Variants in SYDE2 observed in about 807,000 individuals in gnomAD.
SYDE2 encodes rho GTPase-activating protein SYDE2.
Under a neutral mutation model 91.5 loss-of-function variants are expected in SYDE2, and 76 were observed. That is an observed-to-expected ratio of 0.83 (90% CI 0.69 to 1.01). SYDE2 has a LOEUF of 1.01. Ranked by LOEUF, SYDE2 falls within the 50% of genes least tolerant of loss-of-function variation. The pLI, the probability that SYDE2 is intolerant of heterozygous loss-of-function variation, is 0.00. For synonymous variants in SYDE2, 513 were observed against 506.4 expected, an observed-to-expected ratio of 1.01 and a Z score of -0.18; for missense variants, 1,364 against 1,367.7, an observed-to-expected ratio of 1.00 and a Z score of 0.04.
rs1557738268 is a variant in SYDE2, at chr1:85,158,844, T to A, written c.3491A>T (p.Lys1164Ile). ...TTCTTGTAGATCTTTGAGATTGTTTTTTCGATCCACTGTAGACTCAACTGT... is the reference window on the plus strand; with the variant it reads ...TTCTTGTAGATCTTTGAGATTGTTTATTCGATCCACTGTAGACTCAACTGT... ...MQTVESTVDR[K>I]NNLKDLQESI... The change falls in exon 7 of 7, where the codon AAA becomes ATA. Residue 1164 changes from lysine to isoleucine, a missense_variant. Lys to Ile is a moderately radical substitution (Grantham distance 102, BLOSUM62 -3). Transcript: ENST00000341460. 1.3e-6 allele frequency: 1 copy of A among 776,978 alleles called. No homozygotes were observed. The highest frequency in any genetic ancestry group is 2.4e-6 in the Non-Finnish European group (1 of 416,968). 48.1% of individuals were successfully genotyped at this position (776,978 alleles called of 1,614,324 possible).
intron 1 of SYDE2, among the ~76,000 whole-genome samples, chr1:85,193,006 G>C (rs1019953747): frequency 6.6e-6 from 1 of 152,162 alleles, no homozygotes; most frequent in Non-Finnish European, 1.5e-5. Flanking sequence ...ACTCAAAAAC[G>C]CCAAGTAACT....
chr1:85,200,928 G>T lies in SYDE2; in HGVS notation c.69C>A (p.Pro23=). The change falls in exon 1 of 7, where the codon CCC becomes CCA. Residue 23 remains proline, a synonymous_variant. Coordinates refer to ENST00000341460, the MANE Select transcript of SYDE2 (RefSeq NM_032184.2). ...GCTGGCCCGGAGCCCGGGCTCCCGC[G>T]GGGAAGCTGTGATCCGCCAAGCCCC... ...GGRGLADHSF[P]AGARAPGQPP... is the part of the protein sequence containing the mutation. 1.5e-6 allele frequency: 2 copies of T among 1,321,156 alleles called. No homozygotes were observed. The highest frequency in any genetic ancestry group is 4.6e-5 in the South Asian group (2 of 43,336). 81.8% of individuals were successfully genotyped at this position (1,321,156 alleles called of 1,614,324 possible).
At chr1:85,154,610 A>G (rs1314585325), downstream of SYDE2, among the ~76,000 whole-genome samples, 7 of 150,756 alleles carry the variant, frequency 4.6e-5, no homozygotes, top group Non-Finnish European at 8.8e-5. Flanking sequence ...AGTCATTTCA[A>G]TCTCATTTGA....
Position 85,182,275 on chromosome 1 carries a change from A to G in SYDE2, c.2367T>C (p.Tyr789=). Residue 789 remains tyrosine, a synonymous_variant, in exon 3 of 7, where the codon TAT becomes TAC. Transcript: ENST00000341460. ...ACTGTTCCATAAGAGTCACTTTCAC[A>G]TAAATAAGACCTCTAGGTTCAAGTT... is the stretch of plus-strand genomic sequence containing the variant. ...AVKLEPRGLI[Y]VKVTLMEQWE... 1.2e-6 allele frequency: 2 copies of G among 1,613,256 alleles called. No homozygotes were observed. Among genetic ancestry groups the G allele is most frequent in the Non-Finnish European group, 1.7e-6 (2 of 1,179,670 alleles).
intron 6 of SYDE2, chr1:85,160,698 T>C: frequency 3.0e-6 from 3 of 985,444 alleles, no homozygotes; most frequent in Non-Finnish European, 3.6e-6. Flanking sequence ...TTTTTAGTGC[T>C]TAACTGTCAT....
At chr1:85,153,659 G>T (rs1656820082), downstream of SYDE2, 2 of 152,194 alleles carry the variant, frequency 1.3e-5, no homozygotes, top group African/African-American at 4.8e-5. Context: ...ACTAACTCCA[G>T]TGGGGAGTAC....
rs890097722 is a variant in SYDE2, at chr1:85,182,485, G to C, written c.2157C>G (p.Leu719=). The C allele has an allele frequency of 6.2e-7, 1 of 1,613,728 alleles. No individual in the cohort carries two copies. The highest frequency in any genetic ancestry group is 1.3e-5 in the African/African-American group (1 of 75,046). ...TGTCTAAAAATGTTGTTCGGCATGT[G>C]AGCAAAGCTGTTCTTGCTTTGTTTA... ...DSVNKARTAL[L]TCRTTFLDMD... Residue 719 remains leucine (L), a synonymous_variant, in exon 3 of 7, where the codon CTC becomes CTG. Transcript: ENST00000341460.
Position 85,158,513 on chromosome 1 carries a change from G to T in SYDE2, c.*237C>A. 1 of 425,568 alleles carries T rather than the reference G, an allele frequency of 2.3e-6. No individual in the cohort carries two copies. Among genetic ancestry groups the T allele is most frequent in the South Asian group, 4.4e-5 (1 of 22,710 alleles). 26.4% of individuals were successfully genotyped at this position (425,568 alleles called of 1,614,324 possible). ...AAAGTTATCTCCATAGAGTTGGCAA[G>T]ATTTAGTAAAATATCCCAAGAAGTC... On this transcript the variant is annotated 3_prime_UTR_variant, in exon 7 of 7. Coordinates refer to ENST00000341460, the MANE Select transcript of SYDE2 (RefSeq NM_032184.2).
chr1:85,169,596 G>T (rs1238123636), intron 4 of SYDE2, among the ~76,000 whole-genome samples: 15 of 152,134 alleles, frequency 9.9e-5, no homozygotes, highest in Non-Finnish European at 1.5e-5. Context: ...TGTTAATTAT[G>T]AATTATTCCA....
chr1:85,194,344 G>T (rs1013242967), intron 1 of SYDE2, among the ~76,000 whole-genome samples: 18 of 149,506 alleles, frequency 1.2e-4, no homozygotes, highest in Admixed American at 1.2e-3. Context: ...AAATATTTTT[G>T]TAGAGAAAGG....
At chr1:85,161,038 CA>C (rs1657035613) in intron 6 of SYDE2, 1 of 982,834 alleles carries the variant, frequency 1.0e-6, no homozygotes, top group Non-Finnish European at 1.2e-6. Flanking sequence ...GAGTGGTTTA[CA>C]ACTAAATATA....
downstream of SYDE2, among the ~76,000 whole-genome samples, chr1:85,155,692 A>C (rs552822546): frequency 8.5e-5 from 13 of 152,182 alleles, no homozygotes; most frequent in Non-Finnish European, 7.4e-5. Flanking sequence ...GATACATAGA[A>C]GGAGATAAAT....
chr1:85,175,306 C>T (rs1557747273), intron 4 of SYDE2, among the ~76,000 whole-genome samples: 1 of 152,176 alleles, frequency 6.6e-6, no homozygotes, highest in East Asian at 1.9e-4. Flanking sequence ...TCGAGACCAC[C>T]CTGGGCAACA....
chr1:85,171,087 T>C (rs912319922), intron 4 of SYDE2, among the ~76,000 whole-genome samples: 1 of 152,242 alleles, frequency 6.6e-6, no homozygotes, highest in East Asian at 1.9e-4. Context: ...AGGAAAATCA[T>C]GTTTTAGGGG....
At chr1:85,169,643 TAATG>T (rs1314849491) in intron 4 of SYDE2, among the ~76,000 whole-genome samples, 1 of 152,250 alleles carries the variant, frequency 6.6e-6, no homozygotes, top group African/African-American at 2.4e-5. Context: ...TTTAAATTGA[TAATG>T]AAAGAGTACC....
intron 2 of SYDE2, among the ~76,000 whole-genome samples, chr1:85,187,194 A>T (rs563195853): frequency 1.5e-4 from 23 of 152,326 alleles, no homozygotes; most frequent in African/African-American, 4.6e-4. Flanking sequence ...CCCCACCAAA[A>T]AGTGGGCGAA....
chr1:85,172,983 T>C (rs892890400), intron 4 of SYDE2, among the ~76,000 whole-genome samples: 2 of 152,154 alleles, frequency 1.3e-5, no homozygotes, highest in African/African-American at 2.4e-5. Context: ...TCTCGTTCCA[T>C]GCAGCCAGAG....
Position 85,182,943 on chromosome 1 carries a change from G to A in SYDE2, c.1699C>T (p.Arg567Ter), listed in dbSNP as rs566419733. 4.6e-5 allele frequency: 74 copies of A among 1,613,574 alleles called. No homozygotes were observed. Among genetic ancestry groups the A allele is most frequent in the Non-Finnish European group, 5.4e-5 (64 of 1,179,756 alleles). ...AGAATATCAGTATGATGAACTTCTC[G>A]GCAGTTATATTTAGACAAAGAAGGA... ...NTPSLSKYNC[R>*]EVHHTDILPS... The change falls in exon 3 of 7, where the codon CGA becomes TGA. Residue 567 changes from arginine (R) to a stop codon, truncating the protein, a stop_gained. Transcript: ENST00000341460. LOFTEE classifies it high-confidence loss of function.
intron 2 of SYDE2, among the ~76,000 whole-genome samples, chr1:85,184,944 C>T (rs817448): frequency 0.98 from 149,308 of 151,716 alleles, 73,507 homozygotes; most frequent in East Asian, 1. Context: ...GTCATAATTG[C>T]ATTAGGATGA....
Sources: allele counts gnomAD v4.1 joint callset (sites outside exome capture counted in the v4.1 genomes callset), GRCh38; gene constraint gnomAD v4.1.1; transcripts MANE v1.5; gene names NCBI Gene and HGNC (gene_info 2026-07-23, HGNC 2026-07-21).